AKT3: variants seen among roughly 807,000 people sequenced by gnomAD.
AKT3 encodes the protein AKT serine/threonine kinase 3.
In AKT3, 15 loss-of-function variants were observed where a neutral mutation model predicts 65.3. That is an observed-to-expected ratio of 0.23 (90% CI 0.15 to 0.35). The LOEUF (loss-of-function observed/expected upper bound fraction) is 0.35, where lower values mean the gene tolerates loss of function less well. AKT3 is among the 10% of genes least tolerant of loss of function. The pLI, the probability that AKT3 is intolerant of heterozygous loss-of-function variation, is 1.00. For missense variants in AKT3, 243 were observed against 576.5 expected (o/e 0.42, Z 5.92); for synonymous variants, 206 against 183.8 (o/e 1.12, Z -0.98).
At chr1:243,792,391 C>G (rs949497880) in intron 2 of AKT3, among the ~76,000 whole-genome samples, 1 of 152,160 alleles carries the variant, frequency 6.6e-6, no homozygotes, top group Admixed American at 6.5e-5. Context: ...AGTCACTGCC[C>G]TCCCAGAGCT....
At chr1:243,547,885 C>T (rs1017129299) in intron 11 of AKT3, 1 of 152,168 alleles carries the variant, frequency 6.6e-6, no homozygotes, top group African/African-American at 2.4e-5. Flanking sequence ...AACTATACCC[C>T]AGAGATGGCA....
Position 243,502,593 on chromosome 1 carries a change from G to A in AKT3, c.*2656C>T, listed in dbSNP as rs1219086451. ...AAACTACAACTATGGGCGACACAAG[G>A]GAAGTTTTAGAAATCTCCCTCTACA... On this transcript the variant is annotated 3_prime_UTR_variant, in exon 14 of 14. Coordinates refer to ENST00000673466, the MANE Select transcript of AKT3 (RefSeq NM_005465.7). 4.3e-6 allele frequency: 1 copy of A among 232,834 alleles called. No homozygotes were observed. The highest frequency in any genetic ancestry group is 1.8e-4 in the South Asian group (1 of 5,514). 14.4% of individuals were successfully genotyped at this position (232,834 alleles called of 1,614,324 possible). A position where few individuals can be genotyped will look rare whatever the true frequency, so the allele number is the denominator to read the frequency against.
At chr1:243,549,271 T>C (rs771236678) in intron 11 of AKT3, among the ~76,000 whole-genome samples, 34 of 152,170 alleles carry the variant, frequency 2.2e-4, no homozygotes, top group Non-Finnish European at 4.0e-4. Context: ...CAAGCCTCCT[T>C]GGTTTGCATA....
chr1:243,510,153 G>A (rs1669927593), intron 13 of AKT3, among the ~76,000 whole-genome samples: 1 of 152,190 alleles, frequency 6.6e-6, no homozygotes, highest in Non-Finnish European at 1.5e-5. Flanking sequence ...TGAGGAAAGA[G>A]ACCTGTCAAG....
chr1:243,808,619 C>T (rs1692909414), intron 2 of AKT3, among the ~76,000 whole-genome samples: 1 of 152,096 alleles, frequency 6.6e-6, no homozygotes, highest in African/African-American at 2.4e-5. Flanking sequence ...GGATATTATC[C>T]AGGAGAACTT....
chr1:243,766,126 T>TA (rs1172405204), intron 2 of AKT3, among the ~76,000 whole-genome samples: 1 of 152,188 alleles, frequency 6.6e-6, no homozygotes, highest in Non-Finnish European at 1.5e-5. Context: ...AGTGAACTTT[T>TA]AAAAACACTA....
intron 6 of AKT3, among the ~76,000 whole-genome samples, chr1:243,635,101 GACAAAT>G (rs1480303564): frequency 6.6e-6 from 1 of 151,864 alleles, no homozygotes; most frequent in Non-Finnish European, 1.5e-5. Context: ...AACTTTAAAA[GACAAAT>G]ACAAAGTATC....
intron 2 of AKT3, among the ~76,000 whole-genome samples, chr1:243,740,323 GC>G (rs1337844356): frequency 1.3e-5 from 2 of 152,128 alleles, no homozygotes; most frequent in South Asian, 4.1e-4. Context: ...AAAAGCGTTT[GC>G]CCCCCTTCTT....
chr1:243,772,818 A>C (rs570459233), intron 2 of AKT3, among the ~76,000 whole-genome samples: 19 of 152,288 alleles, frequency 1.2e-4, no homozygotes, highest in African/African-American at 4.1e-4. Context: ...CTGGATTAAG[A>C]AAATGTGGCA....
At chr1:243,768,792 G>A (rs147938138) in intron 2 of AKT3, among the ~76,000 whole-genome samples, 13 of 145,986 alleles carry the variant, frequency 8.9e-5, no homozygotes, top group Admixed American at 2.8e-4. Context: ...CAAAGATCAC[G>A]CCTGTGTACT....
chr1:243,613,756 G>T lies in AKT3; in HGVS notation c.628-17C>A. On this transcript the variant is annotated splice_polypyrimidine_tract_variant and intron_variant, in intron 7 of 13. Transcript: ENST00000673466. The stretch of plus-strand genomic sequence containing the variant: ...TTTCAAGGACTTGAAATAAAAAAAA[G>T]AAAAAATGTTACATTATAATCCTGT... 6.5e-7 allele frequency: 1 copy of T among 1,537,504 alleles called. No individual in the cohort carries two copies. The highest frequency in any genetic ancestry group is 8.8e-7 in the Non-Finnish European group (1 of 1,130,072).
intron 2 of AKT3, among the ~76,000 whole-genome samples, chr1:243,803,181 T>C (rs1692483356): frequency 6.6e-6 from 1 of 152,134 alleles, no homozygotes; most frequent in African/African-American, 2.4e-5. Flanking sequence ...TTATCACTTA[T>C]CAAGCACCTA....
At chr1:243,527,920 CACACACACACACACACAG>C (rs879487742) in intron 12 of AKT3, among the ~76,000 whole-genome samples, 2,894 of 90,964 alleles carry the variant, frequency 0.032, 94 homozygotes, top group Middle Eastern at 0.055. Context: ...CACACACACA[CACACACACACACACACAG>C]AGAGAGAGAG....
At chr1:243,684,175 ACTTTT>A (rs1165428672) in intron 3 of AKT3, among the ~76,000 whole-genome samples, 1 of 151,358 alleles carries the variant, frequency 6.6e-6, no homozygotes, top group East Asian at 1.9e-4. Flanking sequence ...TTTTTATTAT[ACTTTT>A]AAGTTCTGGG....
At chr1:243,842,903 C>A (rs1403425190) in intron 2 of AKT3, among the ~76,000 whole-genome samples, 1 of 152,058 alleles carries the variant, frequency 6.6e-6, no homozygotes, top group Non-Finnish European at 1.5e-5. Flanking sequence ...ACCAGAAAGT[C>A]AAACCTAACT....
chr1:243,838,234 ATTAG>A (rs888147379), intron 2 of AKT3, among the ~76,000 whole-genome samples: 49 of 152,304 alleles, frequency 3.2e-4, no homozygotes, highest in Non-Finnish European at 5.3e-4. Context: ...TTGTAAATAC[ATTAG>A]TTAAATCTCA....
At chr1:243,784,788 T>TCC (rs1277311003) in intron 2 of AKT3, among the ~76,000 whole-genome samples, 13 of 151,944 alleles carry the variant, frequency 8.6e-5, no homozygotes, top group Admixed American at 2.6e-4. Context: ...CCTCCTGTGC[T>TCC]CCCCCTCCCA....
intron 3 of AKT3, among the ~76,000 whole-genome samples, chr1:243,688,932 T>C (rs1301912518): frequency 6.6e-6 from 1 of 152,194 alleles, no homozygotes; most frequent in Admixed American, 6.6e-5. Context: ...TTTGCTTATG[T>C]TGTTAACCTG....
At chr1:243,652,047 C>CTTT (rs74162302) in intron 4 of AKT3, among the ~76,000 whole-genome samples, 1 of 135,928 alleles carries the variant, frequency 7.4e-6, no homozygotes. Flanking sequence ...GAAAAGAATT[C>CTTT]TTTTTTTTTT....
Sources: gnomAD v4.1 joint callset for allele counts (sites outside exome capture counted in the v4.1 genomes callset) on GRCh38, gnomAD v4.1.1 for gene constraint, MANE v1.5 for transcripts, NCBI Gene and HGNC (gene_info 2026-07-23, HGNC 2026-07-21) for gene names.